The following MTOR variants were observed in gnomAD, a reference collection of about 807,000 sequenced individuals.
The protein encoded by MTOR is serine/threonine-protein kinase mTOR.
MTOR carries 70 observed loss-of-function variants against 319.8 expected under a neutral mutation model. The ratio of observed to expected loss-of-function variants is 0.22; its 90% CI spans 0.18 to 0.27. The LOEUF (loss-of-function observed/expected upper bound fraction) is 0.27, where lower values mean the gene tolerates loss of function less well. Ranked by LOEUF, MTOR falls within the 10% of genes least tolerant of loss-of-function variation. The pLI is 1.00. For missense variants in MTOR, 1,890 were observed against 3,274.4 expected, an observed-to-expected ratio of 0.58 and a Z score of 10.32; for synonymous variants, 1,183 against 1,211.4, an observed-to-expected ratio of 0.98 and a Z score of 0.49.
At position 11,221,696 on chromosome 1, in the gene MTOR, TTATATATACATATATATATAGTG is replaced by T. The variant is rs1331763059; in HGVS notation, c.3031-5485_3031-5463del. ...TTGGTGCCTGCAATGAACAGAAATA[TTATATATACATATATATATAGTG>T]TATATATACATATATATATTCTATA... On this transcript the variant is annotated intron_variant, in intron 19 of 57. Transcript: ENST00000361445. 2.0e-5 allele frequency among the ~76,000 whole-genome samples: 3 copies of T among 148,608 alleles called. No individual in the cohort carries two copies. The East Asian group carries it at 5.8e-4, about 29-fold the overall frequency.
intron 6 of MTOR, among the ~76,000 whole-genome samples, chr1:11,249,567 C>G (rs567808196): frequency 1.4e-5 from 2 of 144,440 alleles, no homozygotes; most frequent in African/African-American, 5.0e-5. Flanking sequence ...ACCCTGCGGC[C>G]TTCCGCAGTG....
intron 1 of MTOR, among the ~76,000 whole-genome samples, chr1:11,259,813 T>G (rs747171387): frequency 6.6e-6 from 1 of 151,990 alleles, no homozygotes; most frequent in Non-Finnish European, 1.5e-5. Context: ...CGTGGTGGCA[T>G]GTGTCACCCA....
chr1:11,247,933 C>T lies in MTOR; in HGVS notation c.1002G>A (p.Leu334=), dbSNP rs754251747. The change falls in exon 7 of 58, where the codon CTG becomes CTA. Residue 334 remains leucine (L), a synonymous_variant. Transcript: ENST00000361445. ...PQQSNALVGL[L]GYSSHQGLMG... ...TGAGGCCTTGGTGAGAGCTGTACCC[C>T]AGCAGCCCCACCAAGGCATTTGACT... 3.1e-6 allele frequency: 5 copies of T among 1,614,176 alleles called. No individual in the cohort carries two copies. The highest frequency in any genetic ancestry group is 3.3e-5 in the Admixed American group (2 of 60,018).
intron 23 of MTOR, among the ~76,000 whole-genome samples, chr1:11,211,342 T>C (rs1646305151): frequency 6.6e-6 from 1 of 152,222 alleles, no homozygotes; most frequent in African/African-American, 2.4e-5. Context: ...CAGAGACTGC[T>C]GGGCTCCACA....
intron 49 of MTOR, among the ~76,000 whole-genome samples, chr1:11,118,787 C>T (rs982478870): frequency 2.0e-5 from 3 of 151,838 alleles, no homozygotes; most frequent in Admixed American, 6.6e-5. Context: ...CCATCATGCC[C>T]GGCTAATTTT....
intron 26 of MTOR, among the ~76,000 whole-genome samples, chr1:11,204,174 G>A (rs1646066217): frequency 6.6e-6 from 1 of 152,194 alleles, no homozygotes. Context: ...CCAAATTGCA[G>A]ATTCAGGAGT....
chr1:11,221,695 A>G (rs1338107697), intron 19 of MTOR, among the ~76,000 whole-genome samples: 1 of 147,224 alleles, frequency 6.8e-6, no homozygotes, highest in Non-Finnish European at 1.5e-5. Flanking sequence ...GAACAGAAAT[A>G]TTATATATAC....
intron 49 of MTOR, among the ~76,000 whole-genome samples, chr1:11,120,245 T>A (rs937835948): frequency 1.3e-5 from 2 of 151,644 alleles, no homozygotes; most frequent in African/African-American, 2.4e-5. Context: ...TTTGTAGAAA[T>A]GGGGTCTCAC....
rs370512245 is a variant in MTOR, at chr1:11,133,231, C to T, written c.5247-34G>A. ...AGAGAAACAAGCCCCCATGACATTC[C>T]CTCCTCAAAACAGCCCTCCTAAGAG... On this transcript the variant is annotated intron_variant, in intron 37 of 57. Transcript: ENST00000361445. This position sits in a 1 kb window ranked among gnomAD's most constrained non-coding sequence, Gnocchi z 4.0. The T allele has an allele frequency of 2.8e-5, 45 of 1,588,994 alleles. No individual in the cohort carries two copies. Among genetic ancestry groups the T allele is most frequent in the Non-Finnish European group, 3.6e-5 (42 of 1,157,386 alleles).
chr1:11,132,769 G>A (rs1643223048), intron 38 of MTOR: 1 of 265,470 alleles, frequency 3.8e-6, no homozygotes, highest in South Asian at 8.6e-5. Flanking sequence ...TCACTCCAGA[G>A]ATTAACCATG....
In MTOR at chr1:11,248,080, T is replaced by G. The variant is rs764026032; in HGVS notation, c.855A>C (p.Glu285Asp). 1.7e-5 allele frequency: 28 copies of G among 1,608,462 alleles called. No individual in the cohort carries two copies. Among genetic ancestry groups the G allele is most frequent in the Non-Finnish European group, 2.4e-5 (28 of 1,176,248 alleles). Residue 285 changes from glutamate (E) to aspartate (D), a missense_variant, in exon 7 of 58, where the codon GAA (glutamate) becomes GAC (aspartate). By Grantham distance (45) the Glu-to-Asp change is conservative. This residue lies in a region of MTOR where 418 missense variants were observed against 543.1 expected (regional missense o/e 0.77). Coordinates refer to ENST00000361445, the MANE Select transcript of MTOR (RefSeq NM_004958.4). ...GCTGCTGCTGTGTGATTTCTTCCATTTCTTCTCTCAGACGCTATATATATG... is the reference window on the plus strand; with the variant it reads ...GCTGCTGCTGTGTGATTTCTTCCATGTCTTCTCTCAGACGCTATATATATG... ...SSMEGERLRE[E>D]MEEITQQQLV...
intron 25 of MTOR, among the ~76,000 whole-genome samples, chr1:11,206,484 C>T (rs914566176): frequency 2.6e-5 from 4 of 152,148 alleles, no homozygotes; most frequent in Non-Finnish European, 5.9e-5. Context: ...GGGACAGCAA[C>T]GACAGCACCT....
At chr1:11,158,611 T>C (rs948794771) in intron 29 of MTOR, among the ~76,000 whole-genome samples, 1 of 152,032 alleles carries the variant, frequency 6.6e-6, no homozygotes, top group Non-Finnish European at 1.5e-5. Context: ...CAAAATAATA[T>C]CTATTATGCC....
rs1647509201 is a variant in MTOR at position 11,238,501 on chromosome 1, G to A, written c.1903C>T (p.His635Tyr). The change falls in exon 12 of 58, where the codon CAC becomes TAC. Residue 635 changes from histidine to tyrosine, a missense_variant. Transcript: ENST00000361445. ...ACATGAGCATGGCCACTGATGAGGT[G>A]GATGGAGGGTGTGAGCAGGCGGGAG... is the stretch of plus-strand genomic sequence containing the variant. ...TCSRLLTPSI[H>Y]LISGHAHVVS... 6.2e-7 allele frequency: 1 copy of A among 1,614,082 alleles called. No homozygotes were observed. The highest frequency in any genetic ancestry group is 1.3e-5 in the African/African-American group (1 of 74,928).
intron 19 of MTOR, among the ~76,000 whole-genome samples, chr1:11,220,354 G>C (rs1043230647): frequency 6.6e-6 from 1 of 152,050 alleles, no homozygotes; most frequent in Non-Finnish European, 1.5e-5. Flanking sequence ...GGAGAACCTA[G>C]AATAATATTC....
Position 11,204,729 on chromosome 1 carries a change from A to C in MTOR, c.3802-26T>G, listed in dbSNP as rs1302979979. ...CTGTGATCCCACAGGTGACAATGGA[A>C]AACAATCAGTTTCAAGGGCCAATTG... is the stretch of plus-strand genomic sequence containing the variant. On this transcript the variant is annotated intron_variant, in intron 25 of 57. Coordinates refer to ENST00000361445, the MANE Select transcript of MTOR (RefSeq NM_004958.4). The C allele has an allele frequency of 2.5e-6, 4 of 1,606,660 alleles. No homozygotes were observed. The African/African-American group carries it at 4.0e-5, about 16-fold the overall frequency.
intron 28 of MTOR, among the ~76,000 whole-genome samples, chr1:11,180,900 C>T (rs1399099036): frequency 6.6e-6 from 1 of 152,014 alleles, no homozygotes; most frequent in Admixed American, 6.5e-5. Flanking sequence ...CCTCAGCCTC[C>T]CAAGTAGCTG....
chr1:11,170,825 T>A (rs956062561), intron 28 of MTOR, among the ~76,000 whole-genome samples: 1 of 151,012 alleles, frequency 6.6e-6, no homozygotes, highest in Non-Finnish European at 1.5e-5. Flanking sequence ...TAGCTGGGAT[T>A]ACAGGCGCAC....
At chr1:11,207,920 C>T (rs1355888406) in intron 25 of MTOR, among the ~76,000 whole-genome samples, 1 of 152,154 alleles carries the variant, frequency 6.6e-6, no homozygotes, top group African/African-American at 2.4e-5. Context: ...GTCTATCTGG[C>T]AAGGTTTATG....
Sources: allele counts gnomAD v4.1 joint callset (sites outside exome capture counted in the v4.1 genomes callset), GRCh38; gene constraint gnomAD v4.1.1; regional missense constraint gnomAD v4.1.1; non-coding constraint Gnocchi (gnomAD v3.1); transcripts MANE v1.5; gene names NCBI Gene and HGNC (gene_info 2026-07-23, HGNC 2026-07-21).